Variants in ZNF207 observed in about 807,000 individuals in gnomAD.
ZNF207 encodes BUB3-interacting and GLEBS motif-containing protein ZNF207.
Under a neutral mutation model 60.2 loss-of-function variants are expected in ZNF207, and 24 were observed. That is an observed-to-expected ratio of 0.40 (90% CI 0.29 to 0.56). The LOEUF (loss-of-function observed/expected upper bound fraction) is 0.56. ZNF207 is among the 20% of genes least tolerant of loss of function. The probability of loss-of-function intolerance (pLI) is 0.49; values close to 1 mark genes in which losing one functional copy is unlikely to be tolerated. For missense variants in ZNF207, 452 were observed against 636.6 expected (o/e 0.71, Z 3.12); for synonymous variants, 236 against 194.7 (o/e 1.21, Z -1.77).
intron 3 of ZNF207, among the ~76,000 whole-genome samples, chr17:32,360,090 A>T (rs982892827): frequency 6.6e-6 from 1 of 151,990 alleles, no homozygotes; most frequent in African/African-American, 2.4e-5. Flanking sequence ...AAGGCATATG[A>T]AAATGAAGGA....
intron 5 of ZNF207, 168 bp from the exon 6 acceptor site, chr17:32,361,300 C>T (rs1904868552): frequency 1.7e-6 from 1 of 589,628 alleles, no homozygotes; most frequent in Non-Finnish European, 2.9e-6. Flanking sequence ...AGCAGAGAAA[C>T]TCTGTAAATG....
At position 32,375,631 on chromosome 17, in the gene ZNF207, CT is replaced by C. The variant is rs1319400126; in HGVS notation, c.*5875del. 1.3e-5 allele frequency: 2 copies of C among 152,048 alleles called. No homozygotes were observed. Among genetic ancestry groups the C allele is most frequent in the African/African-American group, 4.8e-5 (2 of 41,394 alleles). The allele number at this position is 152,048 out of a possible 1,614,324, so 9.4% of individuals were successfully genotyped here. The stretch of plus-strand genomic sequence containing the variant: ...ATGAAAGAAAATTGTGAAGTCACCA[CT>C]TTAACTGAGTCAAAATTTTGTTTGA... On this transcript the variant is annotated 3_prime_UTR_variant, in exon 12 of 12. Transcript: ENST00000394670.
At chr17:32,353,408 G>A (rs997099208) in intron 2 of ZNF207, among the ~76,000 whole-genome samples, 1 of 152,104 alleles carries the variant, frequency 6.6e-6, no homozygotes, top group Non-Finnish European at 1.5e-5. Flanking sequence ...GAGGTAGGGA[G>A]ACGTGATTTC....
chr17:32,365,850 C>T (rs1905138360), intron 8 of ZNF207, among the ~76,000 whole-genome samples: 1 of 149,898 alleles, frequency 6.7e-6, no homozygotes, highest in Non-Finnish European at 1.5e-5. Flanking sequence ...GATTAGCATT[C>T]TTAAGACGGT....
At chr17:32,367,261 A>ATGTATATATG (rs1567824902) in intron 9 of ZNF207, among the ~76,000 whole-genome samples, 3 of 113,456 alleles carry the variant, frequency 2.6e-5, no homozygotes, top group Non-Finnish European at 5.4e-5. Flanking sequence ...ATATATATAT[A>ATGTATATATG]TATATATATA....
chr17:32,364,018 A>G (rs1597783716), intron 7 of ZNF207, among the ~76,000 whole-genome samples: 1 of 135,820 alleles, frequency 7.4e-6, no homozygotes, highest in Non-Finnish European at 1.5e-5. Context: ...GTTGTAGTGC[A>G]CTCTCCATTT....
In ZNF207 at chr17:32,377,765, A is replaced by G. The variant is rs1057180218; in HGVS notation, c.*8006A>G. On this transcript the variant is annotated 3_prime_UTR_variant, in exon 12 of 12. Coordinates refer to ENST00000394670, the MANE Select transcript of ZNF207 (RefSeq NM_001098507.2). The stretch of plus-strand genomic sequence containing the variant: ...AATTAGCTCATTCTAAATAGCCAAT[A>G]TAAGGTAACTTCTGTTTAAAAAAAA... 29 of 152,036 alleles carry G rather than the reference A, an allele frequency of 1.9e-4. No individual in the cohort carries two copies. Among genetic ancestry groups the G allele is most frequent in the Non-Finnish European group, 4.4e-5 (3 of 67,780 alleles). The allele number at this position is 152,036 out of a possible 1,614,324, so 9.4% of individuals were successfully genotyped here. A position where few individuals can be genotyped will look rare whatever the true frequency, so the allele number is the denominator to read the frequency against.
At chr17:32,353,325 A>AT (rs1374136738) in intron 2 of ZNF207, among the ~76,000 whole-genome samples, 1 of 152,132 alleles carries the variant, frequency 6.6e-6, no homozygotes, top group Non-Finnish European at 1.5e-5. Context: ...AGCTGTCTGA[A>AT]TTTTTGCTAA....
chr17:32,369,556 C>G, intron 11 of ZNF207, 43 bp from the exon 12 acceptor site: 1 of 1,571,222 alleles, frequency 6.4e-7, no homozygotes, highest in Non-Finnish European at 8.6e-7. Context: ...AAGTACAATG[C>G]GTTAACAATC....
At chr17:32,356,516 A>G (rs1227563209) in intron 2 of ZNF207, among the ~76,000 whole-genome samples, 3 of 152,258 alleles carry the variant, frequency 2.0e-5, no homozygotes, top group Non-Finnish European at 4.4e-5. Context: ...CCCAGTTTCA[A>G]ATCTTTAAGT....
In ZNF207 at chr17:32,357,311, A is replaced by AATT. The variant is rs1330669262; in HGVS notation, c.169-1152_169-1150dup. Among the ~76,000 whole-genome samples, 235 of 118,288 alleles carry AATT rather than the reference A, an allele frequency of 2.0e-3. 1 individual carries two copies. Among genetic ancestry groups the AATT allele is most frequent in the East Asian group, 6.8e-3 (30 of 4,390 alleles). 77.6% of individuals were successfully genotyped at this position (118,288 alleles called of 152,430 possible). ...CTATACTTAGAAAATTTGCTATTCTAATTATTATTATTATTATTATTATTA... is the reference window on the plus strand; with the variant it reads ...CTATACTTAGAAAATTTGCTATTCTAATTATTATTATTATTATTATTATTATTA... On this transcript the variant is annotated intron_variant, in intron 2 of 11. Transcript: ENST00000394670.
chr17:32,369,779 A>G lies in ZNF207; in HGVS notation c.*20A>G, dbSNP rs1905383611. ...TACTGATCTTACTTCATCCAGTCTA[A>G]TAGGTTTGGAGATTAAACCTTTTCT... On this transcript the variant is annotated 3_prime_UTR_variant, in exon 12 of 12. Transcript: ENST00000394670. 6.7e-7 allele frequency: 1 copy of G among 1,484,380 alleles called. No individual in the cohort carries two copies. Among genetic ancestry groups the G allele is most frequent in the South Asian group, 1.5e-5 (1 of 66,302 alleles). 92.0% of individuals were successfully genotyped at this position (1,484,380 alleles called of 1,614,324 possible).
rs1905846088 is a variant in ZNF207, at chr17:32,380,660, A to G, written c.*10901A>G. ...AATAATAGTAAAGTGGTATTAACCCAATACTTGATTTGCAGTTTTTAAAGC... is the reference window on the plus strand; with the variant it reads ...AATAATAGTAAAGTGGTATTAACCCGATACTTGATTTGCAGTTTTTAAAGC... On this transcript the variant is annotated 3_prime_UTR_variant, in exon 12 of 12. Transcript: ENST00000394670. 2.0e-5 allele frequency: 3 copies of G among 152,262 alleles called. No individual in the cohort carries two copies. The highest frequency in any genetic ancestry group is 7.2e-5 in the African/African-American group (3 of 41,460). 9.4% of individuals were successfully genotyped at this position (152,262 alleles called of 1,614,324 possible). A position where few individuals can be genotyped will look rare whatever the true frequency, so the allele number is the denominator to read the frequency against.
chr17:32,353,953 G>T (rs1320341104), intron 2 of ZNF207, among the ~76,000 whole-genome samples: 1 of 152,060 alleles, frequency 6.6e-6, no homozygotes, highest in Non-Finnish European at 1.5e-5. Flanking sequence ...CTGTCAAGTA[G>T]CTAACTTATA....
At position 32,369,392 on chromosome 17, in the gene ZNF207, T is replaced by C; in HGVS notation, c.1262T>C (p.Met421Thr). The change falls in exon 11 of 12, where the codon ATG becomes ACG. Residue 421 changes from methionine to threonine, a missense_variant. Transcript: ENST00000394670. ...CCACCAGTTGGACCAATTGGAGGTA[T>C]GATGCCACCACAGCCAGGCATCCCA... ...GNPPVGPIGG[M>T]MPPQPGIPQQ... The C allele has an allele frequency of 3.7e-6, 6 of 1,614,190 alleles. No homozygotes were observed. Among genetic ancestry groups the C allele is most frequent in the Non-Finnish European group, 5.1e-6 (6 of 1,180,036 alleles).
intron 10 of ZNF207, 32 bp from the exon 11 acceptor site, chr17:32,369,263 G>C: frequency 6.2e-7 from 1 of 1,605,046 alleles, no homozygotes; most frequent in South Asian, 1.1e-5. Flanking sequence ...CTGCATTCGA[G>C]TATTTAGCCC....
At position 32,350,201 on chromosome 17, in the gene ZNF207, G is replaced by A. The variant is rs1297298023; in HGVS notation, c.-85G>A. 1.1e-5 allele frequency: 18 copies of A among 1,588,962 alleles called. No homozygotes were observed. The highest frequency in any genetic ancestry group is 4.4e-5 in the South Asian group (4 of 90,500). ...CTTCCTGTGGGACGTGGTGGTAGCC[G>A]TTGGGTTGGGAAAGTGAGGGATTTT... On this transcript the variant is annotated 5_prime_UTR_variant, in exon 1 of 12. Transcript: ENST00000394670.
At chr17:32,366,177 T>C (rs1567823726) in intron 8 of ZNF207, among the ~76,000 whole-genome samples, 1 of 152,210 alleles carries the variant, frequency 6.6e-6, no homozygotes, top group Non-Finnish European at 1.5e-5. Context: ...GATTATCCCT[T>C]AGATTTTTTT....
intron 1 of ZNF207, 58 bp from the exon 2 acceptor site, chr17:32,351,728 T>C (rs987840375): frequency 6.2e-7 from 1 of 1,610,724 alleles, no homozygotes; most frequent in African/African-American, 1.3e-5. Flanking sequence ...ATCCATATGT[T>C]TTTATTATAG....
Sources: gnomAD v4.1 joint callset for allele counts (sites outside exome capture counted in the v4.1 genomes callset) on GRCh38, gnomAD v4.1.1 for gene constraint, MANE v1.5 for transcripts, NCBI Gene and HGNC (gene_info 2026-07-23, HGNC 2026-07-21) for gene names.